The following ADCY9 variants were observed in gnomAD, a reference collection of about 807,000 sequenced individuals.
ADCY9 encodes adenylate cyclase type 9.
A neutral mutation model predicts 101.5 loss-of-function variants in ADCY9; 50 were observed. The observed-to-expected ratio is 0.49, with a 90% CI of 0.39 to 0.62. ADCY9 has a LOEUF of 0.62. Among genes scored for constraint, ADCY9 ranks in the 20% least tolerant of loss-of-function variants. The pLI is 0.00. For missense variants in ADCY9, 1,662 were observed against 1,800.4 expected (o/e 0.92, Z 1.39); for synonymous variants, 905 against 769.3 (o/e 1.18, Z -2.92).
rs999063710 is a variant in ADCY9, at chr16:3,965,319, C to T, written c.*456G>A. On this transcript the variant is annotated 3_prime_UTR_variant, in exon 11 of 11. Coordinates refer to ENST00000294016, the MANE Select transcript of ADCY9 (RefSeq NM_001116.4). ...AGAGAGGTCGGGTCGTAGAGGAACACTGTGACATAGACAGAAACAAAATAA... is the reference window on the plus strand; with the variant it reads ...AGAGAGGTCGGGTCGTAGAGGAACATTGTGACATAGACAGAAACAAAATAA... 5.4e-6 allele frequency: 1 copy of T among 184,910 alleles called. No individual in the cohort carries two copies. The highest frequency in any genetic ancestry group is 5.4e-5 in the Admixed American group (1 of 18,430). 11.5% of individuals were successfully genotyped at this position (184,910 alleles called of 1,614,324 possible).
chr16:4,003,562 T>A (rs1385383765), intron 3 of ADCY9, among the ~76,000 whole-genome samples: 2 of 127,998 alleles, frequency 1.6e-5, no homozygotes, highest in Admixed American at 9.1e-5. Flanking sequence ...CTCTTTCTTT[T>A]CTTTTTTTTT....
intron 2 of ADCY9, among the ~76,000 whole-genome samples, chr16:4,031,367 A>C (rs2056554109): frequency 6.6e-6 from 1 of 152,166 alleles, no homozygotes; most frequent in Non-Finnish European, 1.5e-5. Flanking sequence ...ACACACATAC[A>C]CATATGCACA....
rs536957171 is a variant in ADCY9 at position 4,083,394 on chromosome 16, G to C, written c.1693+30356C>G. Among the ~76,000 whole-genome samples the C allele has an allele frequency of 2.0e-5, 3 of 152,188 alleles. No homozygotes were observed. The East Asian group carries it at 5.8e-4, about 29-fold the overall frequency. On this transcript the variant is annotated intron_variant, in intron 2 of 10. Transcript: ENST00000294016. ...TGGAGACGTGGGGAAATCAGGGCCC[G>C]CACACACTCTGGTGGGAAGAGAAAA...
At chr16:4,088,753 T>G (rs112970278) in intron 2 of ADCY9, among the ~76,000 whole-genome samples, 3 of 152,210 alleles carry the variant, frequency 2.0e-5, no homozygotes, top group African/African-American at 7.2e-5. Flanking sequence ...ACAACTGTCT[T>G]GTACTACAAT....
chr16:3,979,396 G>A (rs2056121534), intron 7 of ADCY9, 121 bp from the exon 8 acceptor site: 2 of 1,200,076 alleles, frequency 1.7e-6, no homozygotes, highest in African/African-American at 1.5e-5. Context: ...CCCCTGGGAT[G>A]GGCGTGAGAG....
At chr16:4,046,887 G>A (rs1447276569) in intron 2 of ADCY9, among the ~76,000 whole-genome samples, 1 of 152,018 alleles carries the variant, frequency 6.6e-6, no homozygotes, top group South Asian at 2.1e-4. Flanking sequence ...GCATGCACCT[G>A]CAGTCCCAGC....
intron 10 of ADCY9, among the ~76,000 whole-genome samples, chr16:3,974,072 C>T (rs1326632310): frequency 6.6e-6 from 1 of 152,192 alleles, no homozygotes; most frequent in African/African-American, 2.4e-5. Context: ...GACACAGTCT[C>T]ATTCTGTCAC....
chr16:4,042,048 T>C (rs774380660), intron 2 of ADCY9, among the ~76,000 whole-genome samples: 1 of 149,614 alleles, frequency 6.7e-6, no homozygotes, highest in Non-Finnish European at 1.5e-5. Flanking sequence ...CTCATCCTCC[T>C]GAGTAGCTGG....
At chr16:4,023,953 G>C (rs2056495917) in intron 2 of ADCY9, among the ~76,000 whole-genome samples, 1 of 152,068 alleles carries the variant, frequency 6.6e-6, no homozygotes, top group Admixed American at 6.6e-5. Flanking sequence ...GCACACACAA[G>C]AGCTCTGCAG....
rs1317924231 is a variant in ADCY9, at chr16:4,002,443, G to A, written c.1884+4925C>T. Among the ~76,000 whole-genome samples the A allele has an allele frequency of 1.3e-5, 2 of 152,116 alleles. 1 individual carries two copies. The highest frequency in any genetic ancestry group is 2.9e-5 in the Non-Finnish European group (2 of 68,030). ...GTTCCTGAGGTGAGTGGCCTTAAAG[G>A]GGAAGGAGAAACCTTTTGAAAGCAG... On this transcript the variant is annotated intron_variant, in intron 3 of 10. Transcript: ENST00000294016.
chr16:4,073,915 G>A (rs2056850455), intron 2 of ADCY9, among the ~76,000 whole-genome samples: 2 of 152,100 alleles, frequency 1.3e-5, no homozygotes, highest in South Asian at 4.1e-4. Context: ...AAAGTATTTT[G>A]AAAATCTTCC....
chr16:4,072,979 C>G (rs2056843730), intron 2 of ADCY9, among the ~76,000 whole-genome samples: 1 of 122,714 alleles, frequency 8.1e-6, no homozygotes, highest in Non-Finnish European at 1.7e-5. Context: ...CAACACAAAC[C>G]TTCATATCCT....
At chr16:4,005,965 C>T (rs1281947254) in intron 3 of ADCY9, among the ~76,000 whole-genome samples, 2 of 152,184 alleles carry the variant, frequency 1.3e-5, no homozygotes, top group African/African-American at 4.8e-5. Flanking sequence ...CATTTTCTGA[C>T]TCCTGCACAA....
At chr16:3,993,642 C>T in intron 3 of ADCY9, 132 bp from the exon 4 acceptor site, 1 of 1,129,676 alleles carries the variant, frequency 8.9e-7, no homozygotes, top group Non-Finnish European at 1.3e-6. Context: ...CACAGAACCG[C>T]TCGGGGATGA....
intron 2 of ADCY9, among the ~76,000 whole-genome samples, chr16:4,028,767 C>T (rs918382084): frequency 2.6e-5 from 4 of 151,906 alleles, no homozygotes; most frequent in South Asian, 2.1e-4. Context: ...GTGCTCAATT[C>T]GTTATCTATT....
chr16:4,035,224 C>A (rs1375323199), intron 2 of ADCY9, among the ~76,000 whole-genome samples: 1 of 152,172 alleles, frequency 6.6e-6, no homozygotes, highest in Non-Finnish European at 1.5e-5. Context: ...TTCCACTTGG[C>A]CTTTGCTACC....
At chr16:4,072,469 C>T (rs1384098541) in intron 2 of ADCY9, among the ~76,000 whole-genome samples, 1 of 152,200 alleles carries the variant, frequency 6.6e-6, no homozygotes, top group African/African-American at 2.4e-5. Flanking sequence ...TCACCCCTTC[C>T]CTACGGTATA....
chr16:4,102,455 C>T (rs746752852), intron 2 of ADCY9, among the ~76,000 whole-genome samples: 27 of 152,152 alleles, frequency 1.8e-4, no homozygotes, highest in African/African-American at 4.1e-4. Context: ...GATGGAGTTT[C>T]GCTCTTGTTG....
intron 2 of ADCY9, among the ~76,000 whole-genome samples, chr16:4,051,661 T>A (rs2056702787): frequency 2.0e-5 from 3 of 152,110 alleles, no homozygotes; most frequent in Admixed American, 2.0e-4. Context: ...CAAATGATAA[T>A]GGTAATGAAT....
Sources: gnomAD v4.1 joint callset for allele counts (sites outside exome capture counted in the v4.1 genomes callset) on GRCh38, gnomAD v4.1.1 for gene constraint, MANE v1.5 for transcripts, NCBI Gene and HGNC (gene_info 2026-07-23, HGNC 2026-07-21) for gene names.